TMEM178B: variants seen among roughly 807,000 people sequenced by gnomAD.
TMEM178B encodes transmembrane protein 178B.
A neutral mutation model predicts 31.0 loss-of-function variants in TMEM178B; 5 were observed. That is an observed-to-expected ratio of 0.16 (90% CI 0.08 to 0.34). The LOEUF (loss-of-function observed/expected upper bound fraction) is 0.34. TMEM178B is among the 10% of genes least tolerant of loss of function. TMEM178B has a pLI of 1.00. For missense variants in TMEM178B, 275 were observed against 400.3 expected, an observed-to-expected ratio of 0.69 and a Z score of 2.67; for synonymous variants, 164 against 164.0, an observed-to-expected ratio of 1.00 and a Z score of 0.00.
chr7:141,423,595 C>T (rs1801255524), intron 2 of TMEM178B, among the ~76,000 whole-genome samples: 3 of 152,114 alleles, frequency 2.0e-5, no homozygotes, highest in Admixed American at 2.0e-4. Context: ...GGGCTCAGAA[C>T]TAAGAGTTTG....
intron 2 of TMEM178B, among the ~76,000 whole-genome samples, chr7:141,289,160 C>T (rs935875806): frequency 6.6e-6 from 1 of 152,118 alleles, no homozygotes; most frequent in Admixed American, 6.5e-5. Flanking sequence ...GCTCTGGTCG[C>T]GGAACACATG....
intron 2 of TMEM178B, among the ~76,000 whole-genome samples, chr7:141,253,356 C>A (rs560775944): frequency 6.6e-6 from 1 of 152,120 alleles, no homozygotes; most frequent in African/African-American, 2.4e-5. Flanking sequence ...CTCCTTTCTC[C>A]GGGGTGTTTG....
intron 2 of TMEM178B, among the ~76,000 whole-genome samples, chr7:141,375,033 C>T (rs555338953): frequency 6.6e-6 from 1 of 152,274 alleles, no homozygotes; most frequent in Non-Finnish European, 1.5e-5. Context: ...GTTTCTTGTT[C>T]GTAATTTAAT....
At chr7:141,234,020 A>T (rs951814898) in intron 2 of TMEM178B, among the ~76,000 whole-genome samples, 5 of 152,172 alleles carry the variant, frequency 3.3e-5, no homozygotes, top group African/African-American at 1.2e-4. Flanking sequence ...TGGTCCCCCT[A>T]GGTGCAGTAG....
chr7:141,128,818 G>A (rs1333663133), intron 1 of TMEM178B, among the ~76,000 whole-genome samples: 1 of 152,046 alleles, frequency 6.6e-6, no homozygotes, highest in Non-Finnish European at 1.5e-5. Context: ...TCTAAAATTA[G>A]CCTCTTCTCC....
intron 2 of TMEM178B, among the ~76,000 whole-genome samples, chr7:141,387,654 G>A (rs1162390338): frequency 1.3e-5 from 2 of 152,132 alleles, no homozygotes; most frequent in African/African-American, 2.4e-5. Context: ...AGGAGGAAGC[G>A]CTCAGCCTTC....
chr7:141,468,663 T>A (rs549004253), intron 3 of TMEM178B, among the ~76,000 whole-genome samples: 1 of 152,240 alleles, frequency 6.6e-6, no homozygotes, highest in Non-Finnish European at 1.5e-5. Context: ...TGTCACTGTC[T>A]GGGGTAATTA....
intron 1 of TMEM178B, among the ~76,000 whole-genome samples, chr7:141,189,627 A>G (rs976564984): frequency 6.6e-6 from 1 of 152,180 alleles, no homozygotes; most frequent in African/African-American, 2.4e-5. Context: ...TCTGGTATAT[A>G]AGGTCAGGGC....
intron 1 of TMEM178B, among the ~76,000 whole-genome samples, chr7:141,138,411 G>T (rs1233654578): frequency 6.6e-6 from 1 of 152,022 alleles, no homozygotes; most frequent in Non-Finnish European, 1.5e-5. Context: ...TGGAGAATTA[G>T]TTTAACAGAT....
the TMEM178B span, among the ~76,000 whole-genome samples, chr7:141,496,748 G>T: frequency 6.9e-6 from 1 of 145,324 alleles, no homozygotes; most frequent in Non-Finnish European, 1.5e-5. Flanking sequence ...AAATCACTAT[G>T]TTTCTCCAAA....
chr7:141,189,383 C>T (rs762266811), intron 1 of TMEM178B, among the ~76,000 whole-genome samples: 3 of 152,130 alleles, frequency 2.0e-5, no homozygotes, highest in Admixed American at 1.3e-4. Flanking sequence ...GCCTGTGGGC[C>T]GATGCTGGTG....
At chr7:141,381,539 A>G (rs1358131639) in intron 2 of TMEM178B, among the ~76,000 whole-genome samples, 1 of 152,280 alleles carries the variant, frequency 6.6e-6, no homozygotes, top group African/African-American at 2.4e-5. Flanking sequence ...GTCGAGTCCT[A>G]TTTCTCTTAA....
intron 2 of TMEM178B, among the ~76,000 whole-genome samples, chr7:141,386,528 GT>G (rs1257033334): frequency 2.0e-5 from 3 of 152,106 alleles, no homozygotes; most frequent in Admixed American, 6.5e-5. Context: ...ACAATTTGAT[GT>G]TTTGATACAT....
the TMEM178B span, among the ~76,000 whole-genome samples, chr7:141,505,678 C>T: frequency 6.6e-6 from 1 of 152,230 alleles, no homozygotes; most frequent in Non-Finnish European, 1.5e-5. Context: ...CAGATGGCTG[C>T]TTTTCTTTCT....
intron 2 of TMEM178B, among the ~76,000 whole-genome samples, chr7:141,361,373 CTT>C (rs1317877017): frequency 6.6e-6 from 1 of 151,986 alleles, no homozygotes; most frequent in Non-Finnish European, 1.5e-5. Flanking sequence ...AAAAAAAAAT[CTT>C]TGAAATGGAA....
At chr7:141,118,126 G>C (rs1266308966) in intron 1 of TMEM178B, among the ~76,000 whole-genome samples, 1 of 152,320 alleles carries the variant, frequency 6.6e-6, no homozygotes, top group African/African-American at 2.4e-5. Flanking sequence ...GGTGGGACTC[G>C]ATCAGCACTG....
chr7:141,212,528 C>A, intron 1 of TMEM178B, 63 bp from the exon 2 acceptor site: 3 of 1,378,376 alleles, frequency 2.2e-6, no homozygotes, highest in Non-Finnish European at 3.0e-6. Context: ...AAATTAATCC[C>A]AGAACTAGTC....
chr7:141,344,599 CCTT>C lies in TMEM178B; in HGVS notation c.497-93007_497-93005del, dbSNP rs1799582260. Among the ~76,000 whole-genome samples, 1 of 148,966 alleles carries C rather than the reference CCTT, an allele frequency of 6.7e-6. No individual in the cohort carries two copies. Among genetic ancestry groups the C allele is most frequent in the Non-Finnish European group, 1.5e-5 (1 of 67,364 alleles). On this transcript the variant is annotated intron_variant, in intron 2 of 3. Transcript: ENST00000565468. This position sits in a 1 kb window ranked among gnomAD's most constrained non-coding sequence, Gnocchi z 4.1. Reference sequence around the variant, plus strand: ...CCCTTCCTTCCTTCCTTCCTTCCTTCCTTCCTTCCTTCCTTCCTTCCTTCCTTC... The same window carrying C: ...CCCTTCCTTCCTTCCTTCCTTCCTTCCCTTCCTTCCTTCCTTCCTTCCTTC...
the TMEM178B span, among the ~76,000 whole-genome samples, chr7:141,493,979 A>G: frequency 6.6e-5 from 10 of 152,172 alleles, no homozygotes; most frequent in Non-Finnish European, 1.5e-4. Context: ...AGAGCCACCA[A>G]TGGCCTTGCT....
Sources: allele counts gnomAD v4.1 joint callset (sites outside exome capture counted in the v4.1 genomes callset), GRCh38; gene constraint gnomAD v4.1.1; non-coding constraint Gnocchi (gnomAD v3.1); transcripts MANE v1.5; gene names NCBI Gene and HGNC (gene_info 2026-07-23, HGNC 2026-07-21).